ESPL1: variants seen among roughly 807,000 people sequenced by gnomAD.
ESPL1 encodes separin.
In ESPL1, 50 loss-of-function variants were observed where a neutral mutation model predicts 217.2. That is an observed-to-expected ratio of 0.23 (90% CI 0.18 to 0.29). ESPL1 has a LOEUF of 0.29. ESPL1 is among the 10% of genes least tolerant of loss of function. The pLI is 1.00. For missense variants in ESPL1, 1,834 were observed against 2,603.0 expected (o/e 0.70, Z 6.43); for synonymous variants, 994 against 1,081.3 (o/e 0.92, Z 1.58).
intron 6 of ESPL1, chr12:53,274,401 G>C (rs753789051): frequency 4.6e-5 from 8 of 175,426 alleles, no homozygotes; most frequent in Non-Finnish European, 8.6e-5. Context: ...AGGGTGGGCT[G>C]AACTGAAGCA....
chr12:53,276,422 G>C (rs1943766452), intron 7 of ESPL1, among the ~76,000 whole-genome samples, 198 bp from the exon 8 acceptor site: 1 of 152,214 alleles, frequency 6.6e-6, no homozygotes, highest in South Asian at 2.1e-4. Flanking sequence ...CCATGGTCAG[G>C]GCTTTGGAAA....
Position 53,269,013 on chromosome 12 carries a change from T to C in ESPL1, c.82-11T>C. 1.2e-6 allele frequency: 2 copies of C among 1,603,676 alleles called. No individual in the cohort carries two copies. Among genetic ancestry groups the C allele is most frequent in the Non-Finnish European group, 1.7e-6 (2 of 1,172,822 alleles). On this transcript the variant is annotated splice_polypyrimidine_tract_variant and intron_variant, in intron 2 of 30. Transcript: ENST00000257934. This position sits in a 1 kb window ranked among gnomAD's most constrained non-coding sequence, Gnocchi z 6.7. ...TTTGCTAGCCCCATTCATATCTTTC[T>C]CTACTCCTAGGAGTTCCTGTCCAAC...
chr12:53,290,731 A>C (rs1265304864), intron 24 of ESPL1, 110 bp from the exon 25 acceptor site: 9 of 50,636 alleles, frequency 1.8e-4, no homozygotes, highest in African/African-American at 6.3e-4. Flanking sequence ...AAGATACGTA[A>C]GACAGACATG....
chr12:53,278,336 G>C (rs1943805899), intron 11 of ESPL1, among the ~76,000 whole-genome samples: 1 of 151,880 alleles, frequency 6.6e-6, no homozygotes, highest in Admixed American at 6.6e-5. Flanking sequence ...ATATAGCCCG[G>C]TGCGGTGGCA....
In ESPL1 at chr12:53,277,564, G is replaced by T; in HGVS notation, c.2180G>T (p.Arg727Leu). Residue 727 changes from arginine to leucine, a missense_variant, in exon 10 of 31, where the codon CGT becomes CTT. Coordinates refer to ENST00000257934, the MANE Select transcript of ESPL1 (RefSeq NM_012291.5). ...LNYEDKLQED[R>L]FLYSNIAFNL... ...TATGAAGATAAACTCCAGGAAGATC[G>T]TTTCCTATACAGTAACATTGCCTTC... The T allele has an allele frequency of 1.2e-6, 2 of 1,614,148 alleles. No individual in the cohort carries two copies. The highest frequency in any genetic ancestry group is 1.7e-6 in the Non-Finnish European group (2 of 1,180,006).
chr12:53,287,157 C>T (rs190802208), intron 18 of ESPL1: 2 of 367,740 alleles, frequency 5.4e-6, no homozygotes, highest in African/African-American at 4.2e-5. Context: ...ACTGCAAGCT[C>T]CGCCTCTTGG....
chr12:53,272,940 G>A (rs1021007903), intron 6 of ESPL1, 83 bp downstream of exon 6: 7 of 1,450,416 alleles, frequency 4.8e-6, no homozygotes, highest in Non-Finnish European at 6.6e-6. Flanking sequence ...CCAGCACCCT[G>A]CCTTGGAGTG....
Position 53,285,602 on chromosome 12 carries a change from G to A in ESPL1, c.3188-322G>A, listed in dbSNP as rs540485630. Among the ~76,000 whole-genome samples the A allele has an allele frequency of 1.5e-3, 223 of 151,998 alleles. 2 individuals carry two copies. Among genetic ancestry groups the A allele is most frequent in the South Asian group, 7.1e-3 (34 of 4,820 alleles). On this transcript the variant is annotated intron_variant, in intron 17 of 30. Transcript: ENST00000257934. ...TGGGCGCCTGTAGTCCCAGCTACTC[G>A]GGAGGCTGAGGCAGGAGAATGGCAT...
rs916183460 is a variant in ESPL1 at position 53,290,123 on chromosome 12, C to G, written c.5152C>G (p.Pro1718Ala). ...VCVLALATLQ[P>A]GTVGNTLLLT... ...TGTGTTGGCCCTGGCCACCCTCCAG[C>G]CCGGAACCGTGGGCAACACCCTCCT... The change falls in exon 23 of 31, where the codon CCC becomes GCC. Residue 1718 changes from proline (P) to alanine (A), a missense_variant. Transcript: ENST00000257934. The G allele has an allele frequency of 6.2e-6, 10 of 1,613,496 alleles. No individual in the cohort carries two copies. The highest frequency in any genetic ancestry group is 8.5e-6 in the Non-Finnish European group (10 of 1,180,022).
At position 53,292,772 on chromosome 12, in the gene ESPL1, A is replaced by G; in HGVS notation, c.5997-34A>G. 1 of 1,606,254 alleles carries G rather than the reference A, an allele frequency of 6.2e-7. No individual in the cohort carries two copies. The highest frequency in any genetic ancestry group is 8.5e-7 in the Non-Finnish European group (1 of 1,178,834). On this transcript the variant is annotated intron_variant, in intron 29 of 30. Transcript: ENST00000257934. The surrounding 1 kb of genome is among the most constrained non-coding windows in gnomAD (Gnocchi z 4.5). ...ACACAGGCAGAGGCCAGGTATTACT[A>G]GCTCAAGACTCATCTCACCTCCTTC...
intron 10 of ESPL1, 105 bp downstream of exon 10, chr12:53,277,713 G>A (rs1943795858): frequency 1.1e-5 from 18 of 1,569,090 alleles, no homozygotes; most frequent in South Asian, 8.2e-5. Flanking sequence ...AGGAGGTTGT[G>A]GAAGCAGTGG....
intron 25 of ESPL1, 40 bp from the exon 26 acceptor site, chr12:53,291,650 A>G (rs764684134): frequency 8.8e-6 from 14 of 1,583,682 alleles, no homozygotes; most frequent in East Asian, 2.2e-5. Context: ...AGCAGCTATC[A>G]TGAATGAAGA....
chr12:53,283,121 C>T lies in ESPL1; in HGVS notation c.2792-8C>T. On this transcript the variant is annotated splice_region_variant and splice_polypyrimidine_tract_variant and intron_variant, in intron 14 of 30. Transcript: ENST00000257934. The stretch of plus-strand genomic sequence containing the variant: ...CATCTTCTCCCTTTTTCACCCCACC[C>T]ACCACAGGCTGGCAGACACCTGAGA... 6.2e-7 allele frequency: 1 copy of T among 1,614,038 alleles called. No individual in the cohort carries two copies. The highest frequency in any genetic ancestry group is 8.5e-7 in the Non-Finnish European group (1 of 1,180,002).
intron 24 of ESPL1, 86 bp downstream of exon 24, chr12:53,290,555 G>A (rs1387680414): frequency 2.8e-6 from 4 of 1,444,498 alleles, no homozygotes; most frequent in Non-Finnish European, 3.8e-6. Flanking sequence ...GCCTGGGTCA[G>A]TGCTAAAGCC....
At chr12:53,272,899 T>C (rs1565752427) in intron 6 of ESPL1, 42 bp downstream of exon 6, 1 of 1,606,502 alleles carries the variant, frequency 6.2e-7, no homozygotes, top group South Asian at 1.1e-5. Flanking sequence ...CTTATGTGGT[T>C]GGGGAGCGGG....
Position 53,292,607 on chromosome 12 carries a change from G to T in ESPL1, c.5946G>T (p.Val1982=), listed in dbSNP as rs150841515. The T allele has an allele frequency of 2.6e-5, 42 of 1,612,514 alleles. No homozygotes were observed. The African/African-American group carries it at 5.6e-4, about 22-fold the overall frequency. Residue 1982 remains valine, a synonymous_variant, in exon 29 of 31, where the codon GTG becomes GTT. Transcript: ENST00000257934. This position sits in a 1 kb window ranked among gnomAD's most constrained non-coding sequence, Gnocchi z 4.5. ...EAGWRGVVGE[V]PRPEQVQEAL... ...GCTGGAGAGGAGTGGTTGGGGAGGT[G>T]CCAAGACCTGAACAGGTGCAGGAAG...
rs778039130 is a variant in ESPL1 at position 53,289,225 on chromosome 12, C to T, written c.4844C>T (p.Ala1615Val). The change falls in exon 21 of 31, where the codon GCC (alanine) becomes GTC (valine). Residue 1615 changes from alanine (A) to valine (V), a missense_variant. By Grantham distance (64) the Ala-to-Val change is moderately conservative. Transcript: ENST00000257934. ...TGCCTGGGCCACCGGGATCCTTATG[C>T]CACTGCTTTCCTTGTCACCGAGTCT... Reference protein sequence around the residue: ...ALCLGHRDPYATAFLVTESVS... With the variant: ...ALCLGHRDPYVTAFLVTESVS... The T allele has an allele frequency of 5.0e-6, 8 of 1,613,452 alleles. No homozygotes were observed. The highest frequency in any genetic ancestry group is 6.8e-6 in the Non-Finnish European group (8 of 1,180,020).
Position 53,292,211 on chromosome 12 carries a change from C to T in ESPL1, c.5797-67C>T. On this transcript the variant is annotated intron_variant, in intron 27 of 30. Transcript: ENST00000257934. The surrounding 1 kb of genome is among the most constrained non-coding windows in gnomAD (Gnocchi z 4.5). Reference sequence around the variant, plus strand: ...GGAATGGCTCAGACATGGAAAGGGGCTGAGATTGTTAGAGCTTGGGCCTCT... The same window carrying T: ...GGAATGGCTCAGACATGGAAAGGGGTTGAGATTGTTAGAGCTTGGGCCTCT... 1 of 1,438,278 alleles carries T rather than the reference C, an allele frequency of 7.0e-7. No individual in the cohort carries two copies. The highest frequency in any genetic ancestry group is 9.8e-7 in the Non-Finnish European group (1 of 1,020,436). The allele number at this position is 1,438,278 out of a possible 1,614,324, so 89.1% of individuals were successfully genotyped here.
Position 53,286,814 on chromosome 12 carries a change from G to A in ESPL1, c.4078G>A (p.Val1360Ile). 1.9e-6 allele frequency: 3 copies of A among 1,614,112 alleles called. No homozygotes were observed. In the South Asian group the frequency reaches 3.3e-5, roughly 18 times the overall value. ...PDRIRQAGPH[V>I]PFTVFEEVCP... Reference sequence around the variant, plus strand: ...CCGGATCAGGCAAGCTGGCCCTCATGTCCCCTTCACGGTGTTTGAGGAAGT... The same window carrying A: ...CCGGATCAGGCAAGCTGGCCCTCATATCCCCTTCACGGTGTTTGAGGAAGT... The change falls in exon 18 of 31, where the codon GTC becomes ATC. Residue 1360 changes from valine (V) to isoleucine (I), a missense_variant. Around this residue, in one of 5 missense-constraint regions of ESPL1, gnomAD observed 681 missense variants for 808.0 expected, o/e 0.84. Transcript: ENST00000257934. This position sits in a 1 kb window ranked among gnomAD's most constrained non-coding sequence, Gnocchi z 5.3.
Sources: gnomAD v4.1 joint callset for allele counts (sites outside exome capture counted in the v4.1 genomes callset) on GRCh38, gnomAD v4.1.1 for gene constraint, gnomAD v4.1.1 regional missense constraint, Gnocchi (gnomAD v3.1) non-coding constraint, MANE v1.5 for transcripts, NCBI Gene and HGNC (gene_info 2026-07-23, HGNC 2026-07-21) for gene names.